Variants in NDUFS4 observed in about 807,000 individuals in gnomAD.
NDUFS4 encodes NADH:ubiquinone oxidoreductase subunit S4.
NDUFS4 carries 28 observed loss-of-function variants against 24.3 expected under a neutral mutation model. The observed-to-expected ratio is 1.15, with a 90% confidence interval of 0.85 to 1.58. The LOEUF is 1.58. Ranked by LOEUF, NDUFS4 falls within the 40% of genes most tolerant of loss-of-function variation. NDUFS4 has a pLI of 0.00. For synonymous variants in NDUFS4, 93 were observed against 69.7 expected, an observed-to-expected ratio of 1.34 and a Z score of -1.67; for missense variants, 223 against 207.9, an observed-to-expected ratio of 1.07 and a Z score of -0.45.
At chr5:53,646,643 A>T (rs1440916635) in intron 3 of NDUFS4, among the ~76,000 whole-genome samples, 3 of 152,146 alleles carry the variant, frequency 2.0e-5, no homozygotes, top group Non-Finnish European at 4.4e-5. Flanking sequence ...CTAGATAAAA[A>T]TGACTGAATT....
chr5:53,572,349 A>G (rs1749238147), intron 1 of NDUFS4, among the ~76,000 whole-genome samples: 1 of 152,118 alleles, frequency 6.6e-6, no homozygotes, highest in Non-Finnish European at 1.5e-5. Flanking sequence ...AGAAGAAGGG[A>G]TGGGGGAAGA....
chr5:53,672,003 G>T (rs1740268378), intron 4 of NDUFS4, among the ~76,000 whole-genome samples: 1 of 152,004 alleles, frequency 6.6e-6, no homozygotes. Context: ...CTTCATAGTG[G>T]GTCTATTGGG....
intron 1 of NDUFS4, among the ~76,000 whole-genome samples, chr5:53,599,080 A>G (rs1750227702): frequency 6.6e-6 from 1 of 152,152 alleles, no homozygotes; most frequent in Non-Finnish European, 1.5e-5. Flanking sequence ...ATTACCATTT[A>G]TTTTCTAATG....
At chr5:53,606,934 A>T (rs899223326) in intron 2 of NDUFS4, among the ~76,000 whole-genome samples, 7 of 152,262 alleles carry the variant, frequency 4.6e-5, no homozygotes, top group African/African-American at 1.7e-4. Flanking sequence ...ACAATACCTA[A>T]TACAGTGTAA....
chr5:53,682,619 C>G (rs1740703764), intron 4 of NDUFS4, among the ~76,000 whole-genome samples: 1 of 152,050 alleles, frequency 6.6e-6, no homozygotes, highest in South Asian at 2.1e-4. Flanking sequence ...CTCTCATGGT[C>G]CACTTCAACT....
At chr5:53,566,807 A>G (rs1185803497) in intron 1 of NDUFS4, among the ~76,000 whole-genome samples, 1 of 151,702 alleles carries the variant, frequency 6.6e-6, no homozygotes, top group Non-Finnish European at 1.5e-5. Context: ...AAGACTGTAC[A>G]TGATAAGTAC....
At chr5:53,580,100 A>G (rs955069502) in intron 1 of NDUFS4, among the ~76,000 whole-genome samples, 15 of 152,284 alleles carry the variant, frequency 9.9e-5, no homozygotes, top group Admixed American at 2.0e-4. Context: ...TGTTACTGCA[A>G]CTATAGGAAA....
intron 1 of NDUFS4, among the ~76,000 whole-genome samples, chr5:53,562,954 G>A (rs1419912332): frequency 6.6e-6 from 1 of 152,168 alleles, no homozygotes; most frequent in African/African-American, 2.4e-5. Context: ...GAAGGGCCGG[G>A]CGCGGTGGCT....
At position 53,658,598 on chromosome 5, in the gene NDUFS4, A is replaced by T; in HGVS notation, c.398A>T (p.Asp133Val). 1.2e-6 allele frequency: 2 copies of T among 1,613,324 alleles called. No individual in the cohort carries two copies. Reference sequence around the variant, plus strand: ...GTTCTAACCTTCAGTACTAAAGAAGATGCAGTTTCCTTTGCAGAAAAAAAT... The same window carrying T: ...GTTCTAACCTTCAGTACTAAAGAAGTTGCAGTTTCCTTTGCAGAAAAAAAT... ...NMVLTFSTKEDAVSFAEKNGW... is the reference protein window; with the variant it reads ...NMVLTFSTKEVAVSFAEKNGW... The change falls in exon 4 of 5, where the codon GAT (aspartate) becomes GTT (valine). Residue 133 changes from aspartate to valine, a missense_variant. Coordinates refer to ENST00000296684, the MANE Select transcript of NDUFS4 (RefSeq NM_002495.4).
intron 1 of NDUFS4, among the ~76,000 whole-genome samples, chr5:53,592,051 G>A (rs906983815): frequency 4.6e-5 from 7 of 151,962 alleles, no homozygotes; most frequent in African/African-American, 1.7e-4. Context: ...TGATTCACCT[G>A]CCACAGCCTC....
At chr5:53,570,869 A>G (rs1374182825) in intron 1 of NDUFS4, among the ~76,000 whole-genome samples, 1 of 151,484 alleles carries the variant, frequency 6.6e-6, no homozygotes, top group Non-Finnish European at 1.5e-5. Flanking sequence ...TTTTTAGTAG[A>G]GACGGAGTTT....
chr5:53,615,067 G>A (rs1750802871), intron 2 of NDUFS4, among the ~76,000 whole-genome samples: 1 of 151,728 alleles, frequency 6.6e-6, no homozygotes, highest in East Asian at 1.9e-4. Context: ...TTATGGTAGG[G>A]TATGCAGATA....
intron 2 of NDUFS4, among the ~76,000 whole-genome samples, chr5:53,636,115 T>C (rs918924613): frequency 6.6e-6 from 1 of 152,164 alleles, no homozygotes; most frequent in African/African-American, 2.4e-5. Context: ...AACTCCTGGT[T>C]TCAAGCAGTC....
chr5:53,613,214 G>GCATCTCA (rs957354716), intron 2 of NDUFS4, among the ~76,000 whole-genome samples: 2 of 152,008 alleles, frequency 1.3e-5, no homozygotes, highest in African/African-American at 4.8e-5. Context: ...GGGTTATACA[G>GCATCTCA]CTTTCTAGCA....
intron 2 of NDUFS4, among the ~76,000 whole-genome samples, chr5:53,643,600 C>T (rs552696878): frequency 1.3e-5 from 2 of 152,176 alleles, no homozygotes; most frequent in South Asian, 2.1e-4. Context: ...AGAACAGGTT[C>T]TTCTGTCACT....
intron 3 of NDUFS4, among the ~76,000 whole-genome samples, chr5:53,656,220 T>C (rs999767289): frequency 6.6e-5 from 10 of 151,550 alleles, no homozygotes; most frequent in Admixed American, 1.3e-4. Context: ...AGTTTATTTT[T>C]TTTTTCTATT....
At chr5:53,628,706 G>GT (rs2112486884) in intron 2 of NDUFS4, among the ~76,000 whole-genome samples, 1 of 152,238 alleles carries the variant, frequency 6.6e-6, no homozygotes, top group Non-Finnish European at 1.5e-5. Flanking sequence ...TTGTATTTCT[G>GT]TTTGATCAGT....
intron 2 of NDUFS4, among the ~76,000 whole-genome samples, chr5:53,607,358 C>G (rs1190074275): frequency 6.6e-6 from 1 of 152,168 alleles, no homozygotes; most frequent in East Asian, 1.9e-4. Flanking sequence ...ACATTGTGTA[C>G]TATGCTCAAT....
At chr5:53,652,538 A>G (rs970191621) in intron 3 of NDUFS4, among the ~76,000 whole-genome samples, 2 of 152,196 alleles carry the variant, frequency 1.3e-5, no homozygotes, top group African/African-American at 4.8e-5. Flanking sequence ...TTTTAAAAAT[A>G]TAGTGAATAC....
Sources: gnomAD v4.1 joint callset for allele counts (sites outside exome capture counted in the v4.1 genomes callset) on GRCh38, gnomAD v4.1.1 for gene constraint, MANE v1.5 for transcripts, NCBI Gene and HGNC (gene_info 2026-07-23, HGNC 2026-07-21) for gene names.